The following GFRA2 variants were observed in gnomAD, a reference collection of about 807,000 sequenced individuals.
The protein encoded by GFRA2 is GDNF family receptor alpha 2, also known as GDNF family receptor alpha-2.
In GFRA2, 17 loss-of-function variants were observed where a neutral mutation model predicts 48.3. That is an observed-to-expected ratio of 0.35 (90% CI 0.24 to 0.53). The LOEUF is 0.53. Ranked by LOEUF, GFRA2 falls within the 20% of genes least tolerant of loss-of-function variation. The probability of loss-of-function intolerance (pLI) is 0.93; values close to 1 mark genes in which losing one functional copy is unlikely to be tolerated. For synonymous variants in GFRA2, 305 were observed against 257.2 expected (o/e 1.19, Z -1.78); for missense variants, 660 against 637.3 (o/e 1.04, Z -0.38).
At chr8:21,804,200 GCACACACA>G (rs146613602) in intron 2 of GFRA2, among the ~76,000 whole-genome samples, 2 of 145,148 alleles carry the variant, frequency 1.4e-5, no homozygotes, top group East Asian at 2.0e-4. Context: ...ATACATACAT[GCACACACA>G]CACACACACA....
At position 21,694,417 on chromosome 8, in the gene GFRA2, C is replaced by T. The variant is rs367871905; in HGVS notation, c.1272+47G>A. ...GGCTCGCCGGGGAAATGCCGCCCCC[C>T]ACCGGCCCAGCCTTCTGCACCCATC... is the stretch of plus-strand genomic sequence containing the variant. On this transcript the variant is annotated intron_variant, in intron 8 of 8. Coordinates refer to ENST00000524240, the MANE Select transcript of GFRA2 (RefSeq NM_001495.5). The T allele has an allele frequency of 1.2e-4, 189 of 1,562,344 alleles. 2 individuals carry two copies. The South Asian group carries it at 2.0e-3, about 17-fold the overall frequency.
chr8:21,808,687 T>C (rs1297726349), intron 1 of GFRA2, among the ~76,000 whole-genome samples: 1 of 152,224 alleles, frequency 6.6e-6, no homozygotes, highest in Non-Finnish European at 1.5e-5. Flanking sequence ...GTCTCAGGAC[T>C]GACCACCACC....
chr8:21,791,546 C>T (rs1424036181), upstream of GFRA2, among the ~76,000 whole-genome samples: 1 of 152,238 alleles, frequency 6.6e-6, no homozygotes, highest in East Asian at 1.9e-4. Context: ...TGAGGAAGAC[C>T]CCCTGCCTTG....
chr8:21,739,544 T>C (rs1479129491), intron 4 of GFRA2, among the ~76,000 whole-genome samples: 4 of 152,212 alleles, frequency 2.6e-5, no homozygotes, highest in Non-Finnish European at 4.4e-5. Flanking sequence ...GCTACCTGCA[T>C]GAGGCCTCTG....
At chr8:21,792,854 C>T (rs7846398), upstream of GFRA2, among the ~76,000 whole-genome samples, 9,659 of 152,252 alleles carry the variant, frequency 0.063, 867 homozygotes, top group African/African-American at 0.2. Flanking sequence ...CACCTGAGGT[C>T]GGGAGTTCCA....
At chr8:21,723,962 C>A (rs1803732227) in intron 4 of GFRA2, among the ~76,000 whole-genome samples, 1 of 152,112 alleles carries the variant, frequency 6.6e-6, no homozygotes, top group East Asian at 1.9e-4. Flanking sequence ...GGAAGGAAAT[C>A]AAACAGGGCA....
At chr8:21,712,591 T>C (rs1483496057) in intron 4 of GFRA2, among the ~76,000 whole-genome samples, 3 of 141,372 alleles carry the variant, frequency 2.1e-5, no homozygotes, top group Non-Finnish European at 3.1e-5. Flanking sequence ...CGCTCCTCAC[T>C]TCCCAGACGG....
chr8:21,729,595 C>T (rs62494072), intron 4 of GFRA2, among the ~76,000 whole-genome samples: 3,131 of 152,254 alleles, frequency 0.021, 55 homozygotes, highest in South Asian at 0.077. Context: ...AGTTTCCTTA[C>T]AGAAGGAGCA....
chr8:21,694,750 C>T (rs1802070692), intron 7 of GFRA2, among the ~76,000 whole-genome samples: 2 of 152,250 alleles, frequency 1.3e-5, no homozygotes, highest in Non-Finnish European at 2.9e-5. Context: ...AGAGTTCTAA[C>T]TCTGCTCCCA....
intron 4 of GFRA2, among the ~76,000 whole-genome samples, chr8:21,725,982 C>G (rs1031747883): frequency 3.3e-5 from 5 of 152,208 alleles, no homozygotes; most frequent in African/African-American, 1.2e-4. Flanking sequence ...TCCTGAGTGT[C>G]CCCCTGAGCT....
intron 4 of GFRA2, among the ~76,000 whole-genome samples, chr8:21,736,272 T>C (rs550785304): frequency 6.6e-5 from 10 of 151,836 alleles, no homozygotes; most frequent in African/African-American, 2.4e-4. Flanking sequence ...CAGACTCTCA[T>C]AAAAAGCCAG....
rs1807070321 is a variant in GFRA2, at chr8:21,782,694, C to A, written c.246G>T (p.Leu82Phe). ...MLANKECQAA[L>F]EVLQESPLYD... ...ACAGCGGGCTCTCCTGCAAGACCTCCAAGGCCGCCTGGCACTCCTTGTTGG... is the reference window on the plus strand; with the variant it reads ...ACAGCGGGCTCTCCTGCAAGACCTCAAAGGCCGCCTGGCACTCCTTGTTGG... Residue 82 changes from leucine to phenylalanine, a missense_variant, in exon 2 of 9, where the codon TTG becomes TTT. Physicochemically the swap from Leu to Phe is conservative, Grantham distance 22. Transcript: ENST00000524240. 6.3e-7 allele frequency: 1 copy of A among 1,592,802 alleles called. No individual in the cohort carries two copies. Among genetic ancestry groups the A allele is most frequent in the Non-Finnish European group, 8.5e-7 (1 of 1,170,164 alleles).
At chr8:21,697,567 T>A (rs1802271405) in intron 7 of GFRA2, among the ~76,000 whole-genome samples, 2 of 152,124 alleles carry the variant, frequency 1.3e-5, no homozygotes, top group East Asian at 1.9e-4. Flanking sequence ...CCACCTCTGA[T>A]GCCAAAACCA....
chr8:21,779,825 C>T (rs34277829), intron 2 of GFRA2: 36,313 of 151,936 alleles, frequency 0.24, 4,538 homozygotes, highest in African/African-American at 0.3. Flanking sequence ...CAGGGATCCC[C>T]CTCTATCTGG....
At chr8:21,749,579 C>G (rs769039939) in intron 4 of GFRA2, among the ~76,000 whole-genome samples, 1 of 151,846 alleles carries the variant, frequency 6.6e-6, no homozygotes, top group Admixed American at 6.6e-5. Context: ...GCTGGCTCTT[C>G]GTTTTATGAG....
intron 4 of GFRA2, among the ~76,000 whole-genome samples, chr8:21,727,902 A>G (rs1455747692): frequency 6.6e-6 from 1 of 152,208 alleles, no homozygotes; most frequent in South Asian, 2.1e-4. Context: ...TATTAAAACA[A>G]AAGTGTGTAG....
chr8:21,754,715 GCC>G (rs1563249022), intron 3 of GFRA2, among the ~76,000 whole-genome samples: 2 of 152,022 alleles, frequency 1.3e-5, no homozygotes, highest in African/African-American at 4.8e-5. Context: ...CACCATGTTA[GCC>G]AGGCTGGTCT....
At chr8:21,799,527 C>A (rs1807735673) in intron 2 of GFRA2, among the ~76,000 whole-genome samples, 2 of 152,152 alleles carry the variant, frequency 1.3e-5, no homozygotes, top group African/African-American at 2.4e-5. Context: ...CATTTAAGTT[C>A]TTTTTAATTC....
intron 3 of GFRA2, among the ~76,000 whole-genome samples, chr8:21,760,466 C>T (rs971256950): frequency 1.1e-4 from 16 of 152,042 alleles, no homozygotes; most frequent in African/African-American, 3.9e-4. Flanking sequence ...AGAGAGAAAT[C>T]AAGAAAACCT....
Sources: gnomAD v4.1 joint callset for allele counts (sites outside exome capture counted in the v4.1 genomes callset) on GRCh38, gnomAD v4.1.1 for gene constraint, MANE v1.5 for transcripts, NCBI Gene and HGNC (gene_info 2026-07-23, HGNC 2026-07-21) for gene names.